SUN3: variants seen among roughly 807,000 people sequenced by gnomAD.
The protein encoded by SUN3 is SUN domain-containing protein 3.
A neutral mutation model predicts 48.2 loss-of-function variants in SUN3; 36 were observed. The observed-to-expected ratio is 0.75, with a 90% CI of 0.57 to 0.99. The LOEUF is 0.99. Ranked by LOEUF, SUN3 falls within the 50% of genes least tolerant of loss-of-function variation. SUN3 has a pLI of 0.00. For synonymous variants in SUN3, 148 were observed against 147.9 expected (o/e 1.00, Z 0.00); for missense variants, 419 against 433.1 (o/e 0.97, Z 0.29).
chr7:48,026,056 A>G (rs746462334), intron 1 of SUN3, 118 bp from the exon 2 acceptor site: 2 of 676,402 alleles, frequency 3.0e-6, no homozygotes, highest in Non-Finnish European at 5.1e-6. Context: ...TGCTTAATCT[A>G]GGTTGAGTCT....
chr7:48,035,363 T>C, the SUN3 span: 2 of 590,892 alleles, frequency 3.4e-6, no homozygotes, highest in Non-Finnish European at 6.0e-6. The surrounding 1 kb of genome is among the most constrained non-coding windows in gnomAD (Gnocchi z 4.0). Flanking sequence ...CTGGTCCGGC[T>C]CTGGGCTACG....
chr7:48,018,949 A>G (rs181660134), intron 2 of SUN3, among the ~76,000 whole-genome samples: 51 of 152,324 alleles, frequency 3.3e-4, no homozygotes, highest in Admixed American at 9.1e-4. Flanking sequence ...CAGGAAGATT[A>G]TGTATGGATA....
Position 48,000,867 on chromosome 7 carries a change from G to GTTT in SUN3, c.578-4722_578-4721insAAA, listed in dbSNP as rs1315314140. Among the ~76,000 whole-genome samples, 29 of 100,300 alleles carry GTTT rather than the reference G, an allele frequency of 2.9e-4. 1 individual carries two copies. The highest frequency in any genetic ancestry group is 1.2e-3 in the African/African-American group (29 of 23,850). 65.8% of individuals were successfully genotyped at this position (100,300 alleles called of 152,430 possible). ...ATGCTTTTTGAGTCTGTAAATTTAT[G>GTTT]GTTTTTTTTTTTTAAATCGAGTTTG... On this transcript the variant is annotated intron_variant, in intron 6 of 9. Transcript: ENST00000297325.
intron 3 of SUN3, among the ~76,000 whole-genome samples, chr7:48,016,725 C>A (rs1182056276): frequency 6.6e-6 from 1 of 152,118 alleles, no homozygotes; most frequent in African/African-American, 2.4e-5. Context: ...ATTTTTAGGA[C>A]CTCATAGCTA....
upstream of SUN3, among the ~76,000 whole-genome samples, chr7:48,030,013 A>G (rs114216304): frequency 0.026 from 3,967 of 152,084 alleles, 172 homozygotes; most frequent in African/African-American, 0.09. Flanking sequence ...AGTCTTTTCA[A>G]TTTGGGTACT....
chr7:48,001,236 C>G (rs749593502), intron 6 of SUN3, among the ~76,000 whole-genome samples: 27 of 152,158 alleles, frequency 1.8e-4, no homozygotes, highest in Non-Finnish European at 3.8e-4. Flanking sequence ...TCTCCCTTCT[C>G]TCACCCTCCA....
At position 47,992,868 on chromosome 7, in the gene SUN3, T is replaced by A. The variant is rs146527451; in HGVS notation, c.861+1447A>T. On this transcript the variant is annotated intron_variant, in intron 8 of 9. Transcript: ENST00000297325. ...GAAAACTAAGCAAATTAAAGAAAAA[T>A]AGGCTGGGCACCAGTGGCTCACGTC... Among the ~76,000 whole-genome samples, 12 of 152,116 alleles carry A rather than the reference T, an allele frequency of 7.9e-5. No individual in the cohort carries two copies. In the East Asian group the frequency reaches 2.3e-3, roughly 29 times the overall value.
At chr7:48,011,511 G>A (rs965561450) in intron 3 of SUN3, among the ~76,000 whole-genome samples, 5 of 152,166 alleles carry the variant, frequency 3.3e-5, no homozygotes, top group Admixed American at 1.3e-4. Context: ...CTTATCATTG[G>A]TAGATAGAGA....
At chr7:48,011,122 C>T (rs1353930034) in intron 3 of SUN3, among the ~76,000 whole-genome samples, 1 of 152,182 alleles carries the variant, frequency 6.6e-6, no homozygotes, top group African/African-American at 2.4e-5. Flanking sequence ...TCTGCAAATA[C>T]CTTTTTCCCA....
At chr7:48,002,376 T>C (rs1328759762) in intron 6 of SUN3, among the ~76,000 whole-genome samples, 1 of 128,644 alleles carries the variant, frequency 7.8e-6, no homozygotes, top group East Asian at 1.9e-4. Flanking sequence ...GCCAGGATGG[T>C]CTCGATCTCC....
At chr7:48,031,327 A>G (rs1444241842), upstream of SUN3, among the ~76,000 whole-genome samples, 1 of 152,194 alleles carries the variant, frequency 6.6e-6, no homozygotes, top group Non-Finnish European at 1.5e-5. Context: ...CAAAACAACA[A>G]TGAGATATCA....
intron 9 of SUN3, among the ~76,000 whole-genome samples, chr7:47,988,454 C>A (rs1178712047): frequency 7.2e-5 from 11 of 152,058 alleles, no homozygotes; most frequent in African/African-American, 2.7e-4. Context: ...ATCTTCCTCC[C>A]CTATACTCAA....
In SUN3 at chr7:47,987,351, G is replaced by A. The variant is rs1375948861; in HGVS notation, c.1053C>T (p.Gly351=). ...YTCLYRFRVH[G]TPGKHI ...TCTTCTAGATGTGCTTGCCTGGTGTGCCATGGACCCTGAATCGATATAAAC... is the reference window on the plus strand; with the variant it reads ...TCTTCTAGATGTGCTTGCCTGGTGTACCATGGACCCTGAATCGATATAAAC... The change falls in exon 10 of 10, where the codon GGC becomes GGT. Residue 351 remains glycine, a synonymous_variant. Coordinates refer to ENST00000297325, the MANE Select transcript of SUN3 (RefSeq NM_001030019.2). 5 of 1,612,236 alleles carry A rather than the reference G, an allele frequency of 3.1e-6. No individual in the cohort carries two copies. The highest frequency in any genetic ancestry group is 4.2e-6 in the Non-Finnish European group (5 of 1,179,056).
the SUN3 span, among the ~76,000 whole-genome samples, chr7:48,034,165 G>A: frequency 6.6e-5 from 10 of 152,344 alleles, no homozygotes; most frequent in African/African-American, 1.7e-4. Flanking sequence ...ACCTAAGAGC[G>A]TGTATATGCA....
the SUN3 span, among the ~76,000 whole-genome samples, chr7:48,034,789 A>G: frequency 6.6e-6 from 1 of 152,220 alleles, no homozygotes; most frequent in Non-Finnish European, 1.5e-5. Context: ...TTTACACTTA[A>G]GCCAAGTGTT....
chr7:47,993,767 C>T (rs971562040), intron 8 of SUN3, among the ~76,000 whole-genome samples: 21 of 152,116 alleles, frequency 1.4e-4, no homozygotes, highest in Non-Finnish European at 1.5e-5. Flanking sequence ...TCTGTGAATA[C>T]ACTAAAAGCC....
At chr7:48,023,609 G>T (rs1790060110) in intron 2 of SUN3, among the ~76,000 whole-genome samples, 1 of 152,148 alleles carries the variant, frequency 6.6e-6, no homozygotes, top group Non-Finnish European at 1.5e-5. Context: ...AATGAAAATG[G>T]ATTAAACTTT....
intron 1 of SUN3, among the ~76,000 whole-genome samples, chr7:48,026,691 G>A (rs1562615973): frequency 6.6e-6 from 1 of 151,934 alleles, no homozygotes; most frequent in Non-Finnish European, 1.5e-5. Flanking sequence ...GGTAAAAGAG[G>A]TTATGAGTGG....
At chr7:48,013,820 T>C (rs571600391) in intron 3 of SUN3, among the ~76,000 whole-genome samples, 41 of 152,048 alleles carry the variant, frequency 2.7e-4, no homozygotes, top group Non-Finnish European at 5.0e-4. Flanking sequence ...AGAACTCACG[T>C]AGAAATAAGT....
Sources: gnomAD v4.1 joint callset for allele counts (sites outside exome capture counted in the v4.1 genomes callset) on GRCh38, gnomAD v4.1.1 for gene constraint, Gnocchi (gnomAD v3.1) non-coding constraint, MANE v1.5 for transcripts, NCBI Gene and HGNC (gene_info 2026-07-23, HGNC 2026-07-21) for gene names.